Variants in CATSPERG observed in about 807,000 individuals in gnomAD.
CATSPERG encodes the protein catsper channel auxiliary subunit gamma, also known as cation channel sperm-associated auxiliary subunit gamma.
CATSPERG carries 115 observed loss-of-function variants against 145.0 expected under a neutral mutation model. The observed-to-expected ratio is 0.79, with a 90% confidence interval of 0.68 to 0.93. CATSPERG has a LOEUF of 0.93. Ranked by LOEUF, CATSPERG falls within the 40% of genes least tolerant of loss-of-function variation. CATSPERG has a pLI of 0.00. For missense variants in CATSPERG, 1,296 were observed against 1,490.1 expected (o/e 0.87, Z 2.14); for synonymous variants, 588 against 589.0 (o/e 1.00, Z 0.02).
Position 38,370,788 on chromosome 19 carries a change from C to T in CATSPERG, c.3476C>T (p.Thr1159Ile). Reference sequence around the variant, plus strand: ...GAAGCCGTGGAGAGACAGTTGATGACCTGAGTGTCCCACCTGCCCCAGCCC... The same window carrying T: ...GAAGCCGTGGAGAGACAGTTGATGATCTGAGTGTCCCACCTGCCCCAGCCC... ...PKEAVERQLM[T>I] Residue 1159 changes from threonine (T) to isoleucine (I), a missense_variant, in exon 29 of 29, where the codon ACC (threonine) becomes ATC (isoleucine). Transcript: ENST00000409235. The T allele has an allele frequency of 6.2e-7, 1 of 1,612,368 alleles. No individual in the cohort carries two copies. The highest frequency in any genetic ancestry group is 8.5e-7 in the Non-Finnish European group (1 of 1,178,688).
chr19:38,356,781 G>T lies in CATSPERG; in HGVS notation c.1235G>T (p.Gly412Val), dbSNP rs1186941378. The T allele has an allele frequency of 6.2e-7, 1 of 1,614,088 alleles. No homozygotes were observed. Among genetic ancestry groups the T allele is most frequent in the African/African-American group, 1.3e-5 (1 of 74,926 alleles). The change falls in exon 11 of 29, where the codon GGT becomes GTT. Residue 412 changes from glycine to valine, a missense_variant. Gly to Val is a moderately radical substitution (Grantham distance 109, BLOSUM62 -3). Coordinates refer to ENST00000409235, the MANE Select transcript of CATSPERG (RefSeq NM_021185.5). Reference protein sequence around the residue: ...CSIIWSEYIAGEYTLLLLVES... With the variant: ...CSIIWSEYIAVEYTLLLLVES... ...ATAATTTGGTCTGAATACATCGCGG[G>T]TGAGTATACTCTACTGCTGCTGGTG...
chr19:38,354,376 C>T (rs1200107929), intron 8 of CATSPERG, among the ~76,000 whole-genome samples: 1 of 152,170 alleles, frequency 6.6e-6, no homozygotes, highest in Non-Finnish European at 1.5e-5. Context: ...ACTTTTATGC[C>T]CCTCAGTAGC....
At chr19:38,366,885 G>C (rs1295401677) in intron 22 of CATSPERG, 2 of 414,790 alleles carry the variant, frequency 4.8e-6, no homozygotes, top group African/African-American at 4.1e-5. Flanking sequence ...GTAGAGACAG[G>C]GTTTTACTGT....
rs1970154631 is a variant in CATSPERG at position 38,352,251 on chromosome 19, TC to T, written c.826-6del. 1.9e-6 allele frequency: 3 copies of T among 1,550,882 alleles called. No individual in the cohort carries two copies. In the South Asian group the frequency reaches 3.6e-5, roughly 18 times the overall value. On this transcript the variant is annotated splice_polypyrimidine_tract_variant and intron_variant, in intron 7 of 28. Transcript: ENST00000409235. ...CCACCTGCTCACCACTAGCCTCTGC[TC>T]CCCTGCAGCTGAGCATTGACAGTTG...
rs369480745 is a variant in CATSPERG, at chr19:38,358,797, A to G, written c.1496+236A>G. Among the ~76,000 whole-genome samples, 6 of 152,126 alleles carry G rather than the reference A, an allele frequency of 3.9e-5. No homozygotes were observed. The East Asian group carries it at 9.7e-4, about 24-fold the overall frequency. On this transcript the variant is annotated intron_variant, in intron 13 of 28. Coordinates refer to ENST00000409235, the MANE Select transcript of CATSPERG (RefSeq NM_021185.5). ...CCCTTTTCTTAAAATGAAACCTTATATAAAGACCCAGCCTGTGTGAGCAAT... is the reference window on the plus strand; with the variant it reads ...CCCTTTTCTTAAAATGAAACCTTATGTAAAGACCCAGCCTGTGTGAGCAAT...
chr19:38,336,654 G>A, intron 1 of CATSPERG: 1 of 243,804 alleles, frequency 4.1e-6, no homozygotes, highest in Non-Finnish European at 8.3e-6. Flanking sequence ...GGGGCAAGAG[G>A]TTGGGGCACA....
chr19:38,364,097 AC>A (rs953058066), intron 20 of CATSPERG, among the ~76,000 whole-genome samples: 2 of 145,532 alleles, frequency 1.4e-5, no homozygotes, highest in Non-Finnish European at 1.5e-5. Context: ...CGGGGGGCTG[AC>A]CCCCCCACCT....
intron 3 of CATSPERG, among the ~76,000 whole-genome samples, chr19:38,343,103 G>C (rs547462360): frequency 6.6e-6 from 1 of 152,206 alleles, no homozygotes; most frequent in South Asian, 2.1e-4. Context: ...CCAGCACTTT[G>C]GGAGGCCAAG....
intron 5 of CATSPERG, 51 bp downstream of exon 5, chr19:38,344,170 C>T (rs1225895988): frequency 6.5e-6 from 10 of 1,548,978 alleles, no homozygotes; most frequent in Middle Eastern, 1.7e-4. Context: ...GAATTCCTCA[C>T]CCCAGGGTCC....
intron 28 of CATSPERG, 23 bp from the exon 29 acceptor site, chr19:38,370,503 T>C (rs1970527941): frequency 6.2e-7 from 1 of 1,613,992 alleles, no homozygotes; most frequent in East Asian, 2.2e-5. Context: ...GCCAACTCCT[T>C]ACTCATTCTT....
Position 38,370,706 on chromosome 19 carries a change from T to G in CATSPERG, c.3394T>G (p.Ser1132Ala), listed in dbSNP as rs1970532729. Residue 1132 changes from serine to alanine, a missense_variant, in exon 29 of 29, where the codon TCC becomes GCC. Physicochemically the swap from Ser to Ala is moderately conservative, Grantham distance 99. Coordinates refer to ENST00000409235, the MANE Select transcript of CATSPERG (RefSeq NM_021185.5). ...CTCGAGCATGCCGTCTCTGAGACAT[T>G]CCAGGATGGGCTCCATGTTCAGCTC... ...GISSMPSLRH[S>A]RMGSMFSSRM... The G allele has an allele frequency of 6.2e-7, 1 of 1,613,834 alleles. No homozygotes were observed.
chr19:38,344,398 A>G (rs1361172598), intron 6 of CATSPERG, 30 bp downstream of exon 6: 2 of 1,536,302 alleles, frequency 1.3e-6, no homozygotes, highest in East Asian at 2.5e-5. Flanking sequence ...GAAAAAGACA[A>G]TGGTCTGGGC....
rs1175447330 is a variant in CATSPERG, at chr19:38,366,953, C to G, written c.2614-203C>G. On this transcript the variant is annotated intron_variant, in intron 22 of 28. Coordinates refer to ENST00000409235, the MANE Select transcript of CATSPERG (RefSeq NM_021185.5). ...AAGTGATCAGCCCGCCTCGGCCTCC[C>G]GAAGTTCTGGGATTACAGGCATGAG... The G allele has an allele frequency of 6.2e-5, 35 of 567,444 alleles. No individual in the cohort carries two copies. The East Asian group carries it at 9.9e-4, about 16-fold the overall frequency. 35.2% of individuals were successfully genotyped at this position (567,444 alleles called of 1,614,324 possible).
chr19:38,355,864 T>C (rs1322198408), intron 9 of CATSPERG, among the ~76,000 whole-genome samples: 1 of 152,192 alleles, frequency 6.6e-6, no homozygotes, highest in Non-Finnish European at 1.5e-5. Flanking sequence ...TAATTAATTA[T>C]AGCACAGATT....
At chr19:38,343,554 C>T (rs571241714) in intron 3 of CATSPERG, 26 bp from the exon 4 acceptor site, 2 of 1,527,448 alleles carry the variant, frequency 1.3e-6, no homozygotes, top group South Asian at 1.2e-5. Context: ...CATAAGGACA[C>T]ACTTGTGGGG....
At chr19:38,349,863 C>T (rs1487636568) in intron 7 of CATSPERG, among the ~76,000 whole-genome samples, 4 of 152,096 alleles carry the variant, frequency 2.6e-5, no homozygotes, top group Admixed American at 1.3e-4. Context: ...TGGGGTTTTG[C>T]CATGTTGGCC....
rs1370173249 is a variant in CATSPERG at position 38,361,873 on chromosome 19, G to A, written c.2094+12G>A. The A allele has an allele frequency of 5.6e-6, 9 of 1,594,584 alleles. No individual in the cohort carries two copies. In the African/African-American group the frequency reaches 1.1e-4, roughly 19 times the overall value. On this transcript the variant is annotated intron_variant, in intron 17 of 28. Transcript: ENST00000409235. ...CCGTGTACGACAAGGTGGGCGTCCG[G>A]CGGCGGGCGGGCAGGCCTGAGACGG...
rs781705780 is a variant in CATSPERG, at chr19:38,354,885, C to T, written c.1135+38C>T. ...GCCTCTGTCAGCCCCAGGGACCCCT[C>T]CATACCCTCTCTCACCTCCGAGAAT... is the stretch of plus-strand genomic sequence containing the variant. On this transcript the variant is annotated intron_variant, in intron 9 of 28. Coordinates refer to ENST00000409235, the MANE Select transcript of CATSPERG (RefSeq NM_021185.5). The T allele has an allele frequency of 4.4e-6, 7 of 1,597,218 alleles. No individual in the cohort carries two copies. The Admixed American group carries it at 1.1e-4, about 24-fold the overall frequency.
chr19:38,337,583 C>A lies in CATSPERG; in HGVS notation c.271-10C>A, dbSNP rs1395388937. 3 of 1,551,818 alleles carry A rather than the reference C, an allele frequency of 1.9e-6. No individual in the cohort carries two copies. The highest frequency in any genetic ancestry group is 2.6e-6 in the Non-Finnish European group (3 of 1,147,018). On this transcript the variant is annotated splice_polypyrimidine_tract_variant and intron_variant, in intron 2 of 28. Coordinates refer to ENST00000409235, the MANE Select transcript of CATSPERG (RefSeq NM_021185.5). ...CATTTCTGGACGTGTGGCCTAACCT[C>A]TCTTTGCAGAAATACCTGGGCTTCC...
Sources: allele counts gnomAD v4.1 joint callset (sites outside exome capture counted in the v4.1 genomes callset), GRCh38; gene constraint gnomAD v4.1.1; transcripts MANE v1.5; gene names NCBI Gene and HGNC (gene_info 2026-07-23, HGNC 2026-07-21).